CDH12: variants seen among roughly 807,000 people sequenced by gnomAD.
CDH12 encodes the protein cadherin 12, also known as cadherin-12.
A neutral mutation model predicts 74.1 loss-of-function variants in CDH12; 41 were observed. That is an observed-to-expected ratio of 0.55 (90% CI 0.43 to 0.72). The LOEUF is 0.72. Among genes scored for constraint, CDH12 ranks in the 30% least tolerant of loss-of-function variants. CDH12 has a pLI of 0.00. For synonymous variants in CDH12, 399 were observed against 355.0 expected (o/e 1.12, Z -1.39); for missense variants, 945 against 977.2 (o/e 0.97, Z 0.44).
chr5:22,680,404 TTAA>T (rs1205238944), intron 1 of CDH12, among the ~76,000 whole-genome samples: 2 of 152,110 alleles, frequency 1.3e-5, no homozygotes, highest in Non-Finnish European at 2.9e-5. Context: ...TGTATTATTA[TTAA>T]TAATAATACA....
intron 4 of CDH12, among the ~76,000 whole-genome samples, chr5:22,147,682 A>T (rs1561161279): frequency 6.6e-6 from 1 of 151,978 alleles, no homozygotes; most frequent in Non-Finnish European, 1.5e-5. Flanking sequence ...CACATCTTAC[A>T]TGGTGGCAGG....
In CDH12 at chr5:22,473,112, T is replaced by C. The variant is rs149200494; in HGVS notation, c.-428+32158A>G. ...GGCATTCCATGATTACTCCCACATC[T>C]GTGCCTTTGCACTGGATATTTGCTC... is the stretch of plus-strand genomic sequence containing the variant. On this transcript the variant is annotated intron_variant, in intron 2 of 14. Coordinates refer to ENST00000382254, the MANE Select transcript of CDH12 (RefSeq NM_004061.5). Among the ~76,000 whole-genome samples the C allele has an allele frequency of 5.9e-3, 901 of 152,240 alleles. 14 individuals carry two copies. The highest frequency in any genetic ancestry group is 0.015 in the Admixed American group (226 of 15,276).
At chr5:22,370,657 C>T (rs1332066371) in intron 3 of CDH12, among the ~76,000 whole-genome samples, 2 of 151,986 alleles carry the variant, frequency 1.3e-5, no homozygotes, top group Non-Finnish European at 2.9e-5. Context: ...TATGCCTAGA[C>T]ATGTGTTAGT....
chr5:22,220,944 T>A (rs1381998626), intron 3 of CDH12, among the ~76,000 whole-genome samples: 1 of 151,616 alleles, frequency 6.6e-6, no homozygotes, highest in Non-Finnish European at 1.5e-5. Flanking sequence ...GAGAAACAGG[T>A]CATCTACTGT....
At chr5:22,616,387 TTAGA>T in intron 1 of CDH12, among the ~76,000 whole-genome samples, 1 of 152,226 alleles carries the variant, frequency 6.6e-6, no homozygotes, top group Admixed American at 6.6e-5. Flanking sequence ...ATTCTCATTT[TTAGA>T]TGTGTGAATT....
At chr5:22,808,707 C>T (rs1173759428) in intron 1 of CDH12, among the ~76,000 whole-genome samples, 1 of 139,566 alleles carries the variant, frequency 7.2e-6, no homozygotes, top group East Asian at 2.1e-4. Flanking sequence ...CGGGTTCAAG[C>T]GAATCTCCTG....
intron 1 of CDH12, among the ~76,000 whole-genome samples, chr5:22,613,623 T>A (rs1161813724): frequency 1.3e-5 from 2 of 152,132 alleles, no homozygotes; most frequent in Admixed American, 1.3e-4. Flanking sequence ...TCCAAAGTGT[T>A]ATGTATGTAT....
At chr5:22,358,774 T>C (rs933900517) in intron 3 of CDH12, among the ~76,000 whole-genome samples, 17 of 152,206 alleles carry the variant, frequency 1.1e-4, no homozygotes, top group African/African-American at 4.1e-4. Context: ...AAGATTCTCA[T>C]ATGCTGCTTT....
intron 1 of CDH12, among the ~76,000 whole-genome samples, chr5:22,810,972 TATAC>T (rs1207896819): frequency 1.3e-5 from 2 of 151,606 alleles, no homozygotes; most frequent in Non-Finnish European, 2.9e-5. Context: ...TACTTACATA[TATAC>T]ATACATATGT....
chr5:22,032,353 G>A (rs1227880511), intron 5 of CDH12, among the ~76,000 whole-genome samples: 2 of 151,978 alleles, frequency 1.3e-5, no homozygotes, highest in Non-Finnish European at 1.5e-5. Context: ...ATTCCATTTT[G>A]AGAAAGGCAT....
At chr5:21,756,386 G>A (rs1744399013) in intron 13 of CDH12, among the ~76,000 whole-genome samples, 1 of 152,030 alleles carries the variant, frequency 6.6e-6, no homozygotes, top group Non-Finnish European at 1.5e-5. Flanking sequence ...AAGAAACATG[G>A]AAAGGAAAAT....
chr5:22,843,929 G>T (rs936591320), intron 1 of CDH12, among the ~76,000 whole-genome samples: 1 of 151,960 alleles, frequency 6.6e-6, no homozygotes, highest in Non-Finnish European at 1.5e-5. Flanking sequence ...CACCAGCCTT[G>T]TCTCACTGTG....
intron 5 of CDH12, among the ~76,000 whole-genome samples, chr5:21,998,546 A>T (rs1002222014): frequency 3.3e-5 from 5 of 152,128 alleles, no homozygotes; most frequent in African/African-American, 9.7e-5. Flanking sequence ...ACAATATCAA[A>T]GTTTACATTA....
At chr5:22,196,356 G>A (rs1400349015) in intron 4 of CDH12, among the ~76,000 whole-genome samples, 1 of 151,926 alleles carries the variant, frequency 6.6e-6, no homozygotes, top group Non-Finnish European at 1.5e-5. Flanking sequence ...TGTTGGCCAG[G>A]ATGGTCTCGA....
intron 1 of CDH12, among the ~76,000 whole-genome samples, chr5:22,839,122 G>A (rs1736972990): frequency 6.6e-6 from 1 of 152,096 alleles, no homozygotes; most frequent in Non-Finnish European, 1.5e-5. Context: ...CTTTCTTGAT[G>A]TAGCATAGAT....
intron 1 of CDH12, among the ~76,000 whole-genome samples, chr5:22,698,121 G>GTTTTTT (rs1561585152): frequency 1.8e-4 from 9 of 50,580 alleles, no homozygotes; most frequent in South Asian, 6.9e-4. Flanking sequence ...TAAAGGCAGG[G>GTTTTTT]CTTTTTTTTT....
chr5:22,537,267 C>T (rs1370963707), intron 1 of CDH12, among the ~76,000 whole-genome samples: 2 of 152,142 alleles, frequency 1.3e-5, no homozygotes, highest in Non-Finnish European at 2.9e-5. Context: ...ACAAGGTACC[C>T]ATTGGCAATA....
At chr5:22,714,395 A>G (rs1743464246) in intron 1 of CDH12, among the ~76,000 whole-genome samples, 1 of 152,200 alleles carries the variant, frequency 6.6e-6, no homozygotes, top group Non-Finnish European at 1.5e-5. Flanking sequence ...TGGAGCTAGT[A>G]TAACTCTTTT....
rs904846540 is a variant in CDH12, at chr5:22,672,699, G to A, written c.-522-167335C>T. Reference sequence around the variant, plus strand: ...GTTAAAGCATCAGAAAATTAAATAAGATAGGTGGATAAAGTTTCTCAGTCA... The same window carrying A: ...GTTAAAGCATCAGAAAATTAAATAAAATAGGTGGATAAAGTTTCTCAGTCA... On this transcript the variant is annotated intron_variant, in intron 1 of 14. Transcript: ENST00000382254. Among the ~76,000 whole-genome samples the A allele has an allele frequency of 1.1e-4, 16 of 152,070 alleles. 1 individual carries two copies. The highest frequency in any genetic ancestry group is 3.1e-4 in the African/African-American group (13 of 41,392).
Sources: gnomAD v4.1 joint callset for allele counts (sites outside exome capture counted in the v4.1 genomes callset) on GRCh38, gnomAD v4.1.1 for gene constraint, MANE v1.5 for transcripts, NCBI Gene and HGNC (gene_info 2026-07-23, HGNC 2026-07-21) for gene names.